NEK11: variants seen among roughly 807,000 people sequenced by gnomAD.
NEK11 encodes NIMA related kinase 11, also known as serine/threonine-protein kinase Nek11.
Under a neutral mutation model 80.7 loss-of-function variants are expected in NEK11, and 72 were observed. The observed-to-expected ratio is 0.89, with a 90% CI of 0.74 to 1.08. The LOEUF (loss-of-function observed/expected upper bound fraction) is 1.08. Ranked by LOEUF, NEK11 falls within the 50% of genes least tolerant of loss-of-function variation. The pLI is 0.00. For missense variants in NEK11, 764 were observed against 763.6 expected (o/e 1.00, Z -0.01); for synonymous variants, 251 against 260.7 (o/e 0.96, Z 0.36).
chr3:131,098,577 CTT>C (rs755143299), intron 4 of NEK11, among the ~76,000 whole-genome samples: 21 of 136,938 alleles, frequency 1.5e-4, no homozygotes, highest in Admixed American at 2.2e-4. Context: ...CCTTTGCCCA[CTT>C]TTTTTTTTTT....
intron 14 of NEK11, among the ~76,000 whole-genome samples, chr3:131,175,562 A>G (rs1052983424): frequency 7.2e-5 from 11 of 152,200 alleles, no homozygotes; most frequent in Non-Finnish European, 1.5e-4. Context: ...ATCTATAGTA[A>G]TAGAAATTAG....
chr3:131,078,866 CCTT>C (rs2074805923), intron 3 of NEK11, among the ~76,000 whole-genome samples: 2 of 150,134 alleles, frequency 1.3e-5, no homozygotes, highest in African/African-American at 2.4e-5. Flanking sequence ...GTTAGAGACT[CCTT>C]CATCTTTTTT....
intron 4 of NEK11, among the ~76,000 whole-genome samples, chr3:131,108,895 C>T (rs2149338544): frequency 6.6e-6 from 1 of 152,176 alleles, no homozygotes; most frequent in Non-Finnish European, 1.5e-5. Flanking sequence ...AGAAGCTATA[C>T]TACAGCAGCT....
intron 17 of NEK11, among the ~76,000 whole-genome samples, chr3:131,320,037 C>T (rs1258618777): frequency 1.3e-5 from 2 of 151,992 alleles, no homozygotes; most frequent in Non-Finnish European, 2.9e-5. Flanking sequence ...ATGGCAATTC[C>T]ATATAGCTCA....
intron 4 of NEK11, among the ~76,000 whole-genome samples, chr3:131,100,798 A>G (rs898525304): frequency 1.3e-5 from 2 of 152,056 alleles, no homozygotes; most frequent in African/African-American, 4.8e-5. Flanking sequence ...ATTTTTTGGA[A>G]TAGTTTTAGT....
chr3:131,273,713 T>G, intron 17 of NEK11, 139 bp downstream of exon 17: 1 of 599,358 alleles, frequency 1.7e-6, no homozygotes, highest in Non-Finnish European at 3.0e-6. Flanking sequence ...TGTTCCAACT[T>G]AGAAACTTCT....
At chr3:131,340,351 TA>T (rs776593556) in intron 17 of NEK11, among the ~76,000 whole-genome samples, 10 of 152,242 alleles carry the variant, frequency 6.6e-5, no homozygotes, top group Non-Finnish European at 1.2e-4. Context: ...GAGGACATTT[TA>T]GATATTATCC....
chr3:131,110,904 T>G (rs2080021980), intron 5 of NEK11, among the ~76,000 whole-genome samples: 1 of 152,176 alleles, frequency 6.6e-6, no homozygotes, highest in South Asian at 2.1e-4. Flanking sequence ...AACAATCTGT[T>G]GGATGATGTC....
chr3:131,349,323 G>T (rs1434284335), intron 17 of NEK11, among the ~76,000 whole-genome samples: 1 of 152,036 alleles, frequency 6.6e-6, no homozygotes, highest in Non-Finnish European at 1.5e-5. Context: ...TGCCTAACTT[G>T]TTTACTGCTA....
At chr3:131,067,898 TA>T (rs2072339006) in intron 3 of NEK11, among the ~76,000 whole-genome samples, 1 of 152,214 alleles carries the variant, frequency 6.6e-6, no homozygotes. Flanking sequence ...CATAGTATTT[TA>T]AAACGGACGG....
At chr3:131,096,109 G>T (rs2077390242) in intron 4 of NEK11, among the ~76,000 whole-genome samples, 1 of 152,110 alleles carries the variant, frequency 6.6e-6, no homozygotes, top group South Asian at 2.1e-4. Flanking sequence ...CTGTAGGTTT[G>T]TTACATGGGT....
At chr3:131,141,836 C>T (rs909347110) in intron 7 of NEK11, among the ~76,000 whole-genome samples, 9 of 151,936 alleles carry the variant, frequency 5.9e-5, no homozygotes, top group African/African-American at 1.2e-4. Flanking sequence ...GACTGAAGGG[C>T]GGGCAGGGGT....
chr3:131,142,424 T>C (rs2087137334), intron 7 of NEK11, among the ~76,000 whole-genome samples: 1 of 152,168 alleles, frequency 6.6e-6, no homozygotes, highest in Non-Finnish European at 1.5e-5. Context: ...CTTTTGATGT[T>C]CTGTCCATCA....
rs137917685 is a variant in NEK11, at chr3:131,113,289, G to GGA, written c.455+3379_455+3380dup. Among the ~76,000 whole-genome samples, 9 of 152,034 alleles carry GGA rather than the reference G, an allele frequency of 5.9e-5. No individual in the cohort carries two copies. The South Asian group carries it at 1.9e-3, about 32-fold the overall frequency. On this transcript the variant is annotated intron_variant, in intron 5 of 17. Transcript: ENST00000383366. ...TATGGAGAGAGAAGAAGGAGAGGGAGGAGAGAGAGAGAATGAGAATGAGAG... is the reference window on the plus strand; with the variant it reads ...TATGGAGAGAGAAGAAGGAGAGGGAGGAGAGAGAGAGAGAATGAGAATGAGAG...
chr3:131,040,588 T>C (rs893899023), intron 3 of NEK11, among the ~76,000 whole-genome samples: 4 of 152,184 alleles, frequency 2.6e-5, no homozygotes, highest in African/African-American at 9.6e-5. Context: ...CTAATGATAA[T>C]CATTATGAAA....
At chr3:131,129,808 C>G (rs547687578) in intron 5 of NEK11, among the ~76,000 whole-genome samples, 3 of 152,100 alleles carry the variant, frequency 2.0e-5, no homozygotes, top group South Asian at 2.1e-4. Flanking sequence ...TTTTTTTTCT[C>G]TCCAATACTG....
At chr3:131,177,623 T>C (rs2093105985) in intron 14 of NEK11, among the ~76,000 whole-genome samples, 1 of 152,214 alleles carries the variant, frequency 6.6e-6, no homozygotes, top group Non-Finnish European at 1.5e-5. Flanking sequence ...TCCCTGATCA[T>C]TTTTCTCCTT....
At chr3:131,312,128 A>G (rs1341884650) in intron 17 of NEK11, among the ~76,000 whole-genome samples, 1 of 152,188 alleles carries the variant, frequency 6.6e-6, no homozygotes, top group Non-Finnish European at 1.5e-5. Flanking sequence ...GTGGAGTTGG[A>G]TGAGGATGTG....
At chr3:131,046,239 A>G (rs2067366934) in intron 3 of NEK11, among the ~76,000 whole-genome samples, 1 of 152,060 alleles carries the variant, frequency 6.6e-6, no homozygotes, top group African/African-American at 2.4e-5. Context: ...ATTTTGGTGT[A>G]TTGCGAAAAT....
Sources: allele counts gnomAD v4.1 joint callset (sites outside exome capture counted in the v4.1 genomes callset), GRCh38; gene constraint gnomAD v4.1.1; transcripts MANE v1.5; gene names NCBI Gene and HGNC (gene_info 2026-07-23, HGNC 2026-07-21).